TNFRSF21: variants seen among roughly 807,000 people sequenced by gnomAD.
TNFRSF21 encodes tumor necrosis factor receptor superfamily member 21.
A neutral mutation model predicts 45.6 loss-of-function variants in TNFRSF21; 19 were observed. That is an observed-to-expected ratio of 0.42 (90% CI 0.29 to 0.61). TNFRSF21 has a LOEUF of 0.61. Among genes scored for constraint, TNFRSF21 ranks in the 20% least tolerant of loss-of-function variants. TNFRSF21 has a pLI of 0.23. For synonymous variants in TNFRSF21, 314 were observed against 335.5 expected, an observed-to-expected ratio of 0.94 and a Z score of 0.70; for missense variants, 737 against 851.5, an observed-to-expected ratio of 0.87 and a Z score of 1.67.
At chr6:47,279,086 A>G (rs898386098) in intron 3 of TNFRSF21, among the ~76,000 whole-genome samples, 1 of 152,126 alleles carries the variant, frequency 6.6e-6, no homozygotes, top group African/African-American at 2.4e-5. Flanking sequence ...TCCTATTGTC[A>G]CTTTGCAGAG....
intron 4 of TNFRSF21, among the ~76,000 whole-genome samples, 197 bp downstream of exon 4, chr6:47,253,059 G>A (rs1370510584): frequency 6.6e-6 from 1 of 151,922 alleles, no homozygotes; most frequent in Non-Finnish European, 1.5e-5. Context: ...TTTTCTAGAT[G>A]ATTCTAATAG....
At chr6:47,273,861 C>G (rs1397566999) in intron 3 of TNFRSF21, among the ~76,000 whole-genome samples, 1 of 152,066 alleles carries the variant, frequency 6.6e-6, no homozygotes, top group Admixed American at 6.5e-5. Context: ...AAATGAGAGC[C>G]AAATCATGAG....
intron 3 of TNFRSF21, among the ~76,000 whole-genome samples, chr6:47,256,365 A>T (rs753826304): frequency 1.3e-5 from 2 of 152,296 alleles, no homozygotes; most frequent in Non-Finnish European, 2.9e-5. Flanking sequence ...TTCTACAAAA[A>T]ATACAAAAAT....
intron 3 of TNFRSF21, among the ~76,000 whole-genome samples, chr6:47,266,230 G>T (rs564980722): frequency 6.6e-6 from 1 of 152,132 alleles, no homozygotes; most frequent in African/African-American, 2.4e-5. Flanking sequence ...TTTTGTTCAC[G>T]ACCCCCAATA....
chr6:47,279,180 A>G (rs1337829139), intron 3 of TNFRSF21, among the ~76,000 whole-genome samples: 2 of 152,196 alleles, frequency 1.3e-5, no homozygotes, highest in African/African-American at 2.4e-5. Context: ...TAGGCCCACT[A>G]GTTGCTGAGA....
At chr6:47,258,636 G>A (rs1037020208) in intron 3 of TNFRSF21, among the ~76,000 whole-genome samples, 5 of 151,984 alleles carry the variant, frequency 3.3e-5, no homozygotes, top group African/African-American at 4.8e-5. Context: ...ACGGGGTTTT[G>A]CCATGTTGGC....
At chr6:47,240,253 AGAAG>A (rs1286456486) in intron 4 of TNFRSF21, among the ~76,000 whole-genome samples, 1 of 152,206 alleles carries the variant, frequency 6.6e-6, no homozygotes, top group Non-Finnish European at 1.5e-5. Flanking sequence ...ACACTTAGAA[AGAAG>A]GAAGAGTTCT....
chr6:47,233,370 A>G (rs1209197845), intron 5 of TNFRSF21, among the ~76,000 whole-genome samples: 1 of 152,184 alleles, frequency 6.6e-6, no homozygotes, highest in African/African-American at 2.4e-5. Flanking sequence ...AAAACAAAAA[A>G]CTAAAAAACC....
At chr6:47,274,073 T>C (rs190939552) in intron 3 of TNFRSF21, among the ~76,000 whole-genome samples, 1 of 152,270 alleles carries the variant, frequency 6.6e-6, no homozygotes, top group East Asian at 1.9e-4. Flanking sequence ...AAGTAATTTA[T>C]AGATTCAATG....
intron 4 of TNFRSF21, among the ~76,000 whole-genome samples, chr6:47,252,147 C>T (rs1031491232): frequency 1.9e-4 from 29 of 152,124 alleles, no homozygotes; most frequent in Non-Finnish European, 2.9e-5. Context: ...ATAAAGTATA[C>T]TTAAACGTAA....
intron 3 of TNFRSF21, among the ~76,000 whole-genome samples, chr6:47,273,495 A>AT (rs1762456398): frequency 1.3e-5 from 2 of 152,238 alleles, no homozygotes; most frequent in African/African-American, 4.8e-5. Context: ...TAAACTAGGT[A>AT]TTGATGGAAT....
In TNFRSF21 at chr6:47,232,636, C is replaced by CACACACACACACACACACACAA; in HGVS notation, c.*128_*129insTTGTGTGTGTGTGTGTGTGTGT. 2.8e-6 allele frequency: 2 copies of CACACACACACACACACACACAA among 719,022 alleles called. No homozygotes were observed. The highest frequency in any genetic ancestry group is 4.6e-6 in the Non-Finnish European group (2 of 430,532). 44.5% of individuals were successfully genotyped at this position (719,022 alleles called of 1,614,324 possible). On this transcript the variant is annotated 3_prime_UTR_variant, in exon 6 of 6. Coordinates refer to ENST00000296861, the MANE Select transcript of TNFRSF21 (RefSeq NM_014452.5). Reference sequence around the variant, plus strand: ...ATATTCTCTGTTAAACACACACACACACACACACACACACACACACACAAA... The same window carrying CACACACACACACACACACACAA: ...ATATTCTCTGTTAAACACACACACACACACACACACACACACACACAAACACACACACACACACACACACAAA...
intron 1 of TNFRSF21, among the ~76,000 whole-genome samples, chr6:47,297,510 C>CTTTTTTTTTT (rs55690288): frequency 4.9e-4 from 57 of 117,436 alleles, no homozygotes; most frequent in East Asian, 1.6e-3. Context: ...TCTCTTTTTA[C>CTTTTTTTTTT]TTTTTTTTTT....
intron 1 of TNFRSF21, among the ~76,000 whole-genome samples, chr6:47,298,842 A>G (rs1762823811): frequency 6.6e-6 from 1 of 152,200 alleles, no homozygotes; most frequent in Non-Finnish European, 1.5e-5. Context: ...TTCTCTCAGA[A>G]AGGCACAATC....
rs1393519006 is a variant in TNFRSF21 at position 47,304,280 on chromosome 6, CACCAAAAAAAA to C, written c.96+5125_96+5135del. 8.8e-5 allele frequency among the ~76,000 whole-genome samples: 11 copies of C among 124,714 alleles called. No individual in the cohort carries two copies. In the Admixed American group the frequency reaches 9.5e-4, roughly 11 times the overall value. 81.8% of individuals were successfully genotyped at this position (124,714 alleles called of 152,430 possible). A position where few individuals can be genotyped will look rare whatever the true frequency, so the allele number is the denominator to read the frequency against. ...GATAATGCACCGGATCATTTCGTGT[CACCAAAAAAAA>C]ACCAAAAAAAAAAAAAAGATGTTTA... On this transcript the variant is annotated intron_variant, in intron 1 of 5. Transcript: ENST00000296861.
At chr6:47,258,531 T>A (rs1765022538) in intron 3 of TNFRSF21, among the ~76,000 whole-genome samples, 1 of 151,710 alleles carries the variant, frequency 6.6e-6, no homozygotes, top group African/African-American at 2.4e-5. Context: ...AGCCTCTGCC[T>A]CCTAGGTTCA....
rs6458555 is a variant in TNFRSF21, at chr6:47,309,833, G to A, written c.-322C>T. 106,260 of 263,856 alleles carry A rather than the reference G, an allele frequency of 0.4. 24,592 individuals are homozygous for A. Among genetic ancestry groups the A allele is most frequent in the African/African-American group, 0.69 (31,306 of 45,172 alleles). 16.3% of individuals were successfully genotyped at this position (263,856 alleles called of 1,614,324 possible). A position where few individuals can be genotyped will look rare whatever the true frequency, so the allele number is the denominator to read the frequency against. On this transcript the variant is annotated 5_prime_UTR_variant, in exon 1 of 6. Transcript: ENST00000296861. ...ACTGGGCGCGAGAGAGCAAAGGAACGACTTCCCATAGCGAAGCTTCCAGCC... is the reference window on the plus strand; with the variant it reads ...ACTGGGCGCGAGAGAGCAAAGGAACAACTTCCCATAGCGAAGCTTCCAGCC...
intron 1 of TNFRSF21, among the ~76,000 whole-genome samples, chr6:47,304,374 T>C (rs1318565818): frequency 6.6e-6 from 1 of 152,156 alleles, no homozygotes; most frequent in Non-Finnish European, 1.5e-5. Flanking sequence ...CAAAATTAAT[T>C]TGCAAACTGT....
chr6:47,240,014 T>C (rs1394641493), intron 4 of TNFRSF21, among the ~76,000 whole-genome samples: 3 of 152,204 alleles, frequency 2.0e-5, no homozygotes, highest in Non-Finnish European at 4.4e-5. Flanking sequence ...TTAATGACTT[T>C]GATGCATCAG....
Sources: gnomAD v4.1 joint callset for allele counts (sites outside exome capture counted in the v4.1 genomes callset) on GRCh38, gnomAD v4.1.1 for gene constraint, MANE v1.5 for transcripts, NCBI Gene and HGNC (gene_info 2026-07-23, HGNC 2026-07-21) for gene names.